The following AGMO variants were observed in gnomAD, a reference collection of about 807,000 sequenced individuals.
AGMO encodes the protein alkylglycerol monooxygenase.
AGMO carries 75 observed loss-of-function variants against 60.2 expected under a neutral mutation model. The observed-to-expected ratio is 1.25, with a 90% CI of 1.03 to 1.51. AGMO has a LOEUF of 1.51. Ranked by LOEUF, AGMO falls within the 40% of genes most tolerant of loss-of-function variation. The pLI, the probability that AGMO is intolerant of heterozygous loss-of-function variation, is 0.00. For synonymous variants in AGMO, 261 were observed against 177.1 expected (o/e 1.47, Z -3.76); for missense variants, 763 against 525.5 (o/e 1.45, Z -4.42).
At chr7:15,158,225 G>A in the AGMO span, among the ~76,000 whole-genome samples, 1 of 152,062 alleles carries the variant, frequency 6.6e-6, no homozygotes, top group Non-Finnish European at 1.5e-5. Context: ...TCTGTTACTA[G>A]GTTTGGATTG....
Position 15,390,880 on chromosome 7 carries a change from T to G in AGMO, c.702A>C (p.Lys234Asn). Residue 234 changes from lysine to asparagine, a missense_variant, in exon 7 of 13, where the codon AAA becomes AAC. Lys to Asn is a moderately conservative substitution (Grantham distance 94, BLOSUM62 0). Transcript: ENST00000342526. Reference protein sequence around the residue: ...HHGRNRYCIDKNYAGVLIIWD... With the variant: ...HHGRNRYCIDNNYAGVLIIWD... ...AAATAATAAGAACACCAGCATAATT[T>G]TTGTCTATGCAATAACGATTTCTGC... The G allele has an allele frequency of 6.2e-7, 1 of 1,604,094 alleles. No individual in the cohort carries two copies. Among genetic ancestry groups the G allele is most frequent in the African/African-American group, 1.3e-5 (1 of 74,798 alleles).
At chr7:15,493,361 A>ACACACACACACT (rs1352128354) in intron 3 of AGMO, among the ~76,000 whole-genome samples, 1 of 70,620 alleles carries the variant, frequency 1.4e-5, no homozygotes, top group Non-Finnish European at 2.6e-5. Context: ...ACACACACAC[A>ACACACACACACT]CTTCTTTTTT....
chr7:15,365,380 T>TAAAAA lies in AGMO; in HGVS notation c.1263+129_1263+133dup, dbSNP rs60202363. The TAAAAA allele has an allele frequency of 7.9e-4, 178 of 224,004 alleles. 14 individuals carry two copies. The African/African-American group carries it at 9.3e-3, about 12-fold the overall frequency. 13.9% of individuals were successfully genotyped at this position (224,004 alleles called of 1,614,324 possible). A position where few individuals can be genotyped will look rare whatever the true frequency, so the allele number is the denominator to read the frequency against. ...GACACAACTAACAAGTACTGGTAAG[T>TAAAAA]AAAAAAAAAAAAAAAGATCAAGATT... is the stretch of plus-strand genomic sequence containing the variant. On this transcript the variant is annotated intron_variant, in intron 12 of 12. Transcript: ENST00000342526.
chr7:15,405,480 T>C (rs1360297692), intron 5 of AGMO, among the ~76,000 whole-genome samples: 3 of 151,946 alleles, frequency 2.0e-5, no homozygotes, highest in African/African-American at 7.2e-5. Flanking sequence ...ACGTGGTTCT[T>C]GGAAGGGAGC....
intron 12 of AGMO, among the ~76,000 whole-genome samples, chr7:15,351,570 G>C (rs546867437): frequency 6.6e-6 from 1 of 152,202 alleles, no homozygotes; most frequent in East Asian, 1.9e-4. Context: ...CATGTACATC[G>C]TATCTTGTAA....
At chr7:15,142,987 A>C in the AGMO span, among the ~76,000 whole-genome samples, 1 of 152,218 alleles carries the variant, frequency 6.6e-6, no homozygotes, top group Non-Finnish European at 1.5e-5. Context: ...ATAGCTCTTG[A>C]TCTCACAGTT....
intron 12 of AGMO, among the ~76,000 whole-genome samples, chr7:15,219,107 C>A (rs1008751691): frequency 7.2e-5 from 11 of 152,116 alleles, no homozygotes; most frequent in Admixed American, 7.2e-4. Flanking sequence ...TAATTATCTA[C>A]ACAATGTTCA....
At chr7:15,485,737 A>T (rs766865939) in intron 3 of AGMO, among the ~76,000 whole-genome samples, 19 of 151,990 alleles carry the variant, frequency 1.3e-4, no homozygotes, top group Non-Finnish European at 2.5e-4. Context: ...CCTGTTGATC[A>T]TTACCAGGAT....
intron 12 of AGMO, among the ~76,000 whole-genome samples, chr7:15,357,509 A>C (rs1782583274): frequency 6.6e-6 from 1 of 152,186 alleles, no homozygotes; most frequent in African/African-American, 2.4e-5. Flanking sequence ...TCAAATCAAA[A>C]GAGTTTATTT....
chr7:15,167,498 C>A, the AGMO span, among the ~76,000 whole-genome samples: 1 of 152,148 alleles, frequency 6.6e-6, no homozygotes, highest in Non-Finnish European at 1.5e-5. Context: ...CATTATACTG[C>A]TTTGGCAATT....
At chr7:15,382,961 T>G (rs1366385615) in intron 10 of AGMO, among the ~76,000 whole-genome samples, 2 of 152,142 alleles carry the variant, frequency 1.3e-5, no homozygotes, top group Admixed American at 6.6e-5. Flanking sequence ...TTTGCCTACT[T>G]GAGCCTATTT....
intron 12 of AGMO, among the ~76,000 whole-genome samples, chr7:15,365,152 T>TA (rs1217780397): frequency 5.3e-5 from 8 of 151,970 alleles, no homozygotes; most frequent in African/African-American, 1.2e-4. Flanking sequence ...TTAAAAGCTT[T>TA]AAAAAAATCT....
intron 3 of AGMO, among the ~76,000 whole-genome samples, chr7:15,439,937 T>A (rs1026078768): frequency 2.0e-5 from 3 of 152,082 alleles, no homozygotes; most frequent in Non-Finnish European, 2.9e-5. Flanking sequence ...CCACACTTTA[T>A]CTAATCCCTT....
the AGMO span, among the ~76,000 whole-genome samples, chr7:15,156,569 A>G: frequency 1.3e-5 from 2 of 152,120 alleles, no homozygotes; most frequent in Non-Finnish European, 2.9e-5. Context: ...GGGCTGTGGA[A>G]TCTCCTGCAG....
chr7:15,406,926 C>A, intron 5 of AGMO, among the ~76,000 whole-genome samples: 1 of 123,404 alleles, frequency 8.1e-6, no homozygotes, highest in Non-Finnish European at 1.7e-5. Flanking sequence ...TTGGAATACA[C>A]ACGCGCACAC....
At chr7:15,239,591 G>T (rs947874176) in intron 12 of AGMO, among the ~76,000 whole-genome samples, 1 of 152,086 alleles carries the variant, frequency 6.6e-6, no homozygotes, top group Non-Finnish European at 1.5e-5. Flanking sequence ...GTTGTTATTT[G>T]AAAGCAGTGT....
At chr7:15,439,346 G>C (rs985731593) in intron 3 of AGMO, among the ~76,000 whole-genome samples, 1 of 152,148 alleles carries the variant, frequency 6.6e-6, no homozygotes, top group Non-Finnish European at 1.5e-5. Context: ...GCAGTGAGCT[G>C]AGATTACACC....
At chr7:15,495,935 T>C (rs1041817013) in intron 3 of AGMO, among the ~76,000 whole-genome samples, 3 of 151,922 alleles carry the variant, frequency 2.0e-5, no homozygotes, top group African/African-American at 7.3e-5. Context: ...ACAAAATTCA[T>C]TGTGAGAGTC....
intron 12 of AGMO, among the ~76,000 whole-genome samples, chr7:15,219,694 G>A (rs1310691582): frequency 1.3e-5 from 2 of 152,086 alleles, no homozygotes; most frequent in South Asian, 4.1e-4. Context: ...TGGGTAAGTG[G>A]ATGAGAGTCC....
Sources: gnomAD v4.1 joint callset for allele counts (sites outside exome capture counted in the v4.1 genomes callset) on GRCh38, gnomAD v4.1.1 for gene constraint, MANE v1.5 for transcripts, NCBI Gene and HGNC (gene_info 2026-07-23, HGNC 2026-07-21) for gene names.